PPARGC1A: variants seen among roughly 807,000 people sequenced by gnomAD.
The protein encoded by PPARGC1A is PPARG coactivator 1 alpha.
A neutral mutation model predicts 88.7 loss-of-function variants in PPARGC1A; 25 were observed. That is an observed-to-expected ratio of 0.28 (90% CI 0.21 to 0.39). The LOEUF is 0.39. PPARGC1A is among the 10% of genes least tolerant of loss of function. PPARGC1A has a pLI of 1.00. For missense variants in PPARGC1A, 880 were observed against 968.7 expected, an observed-to-expected ratio of 0.91 and a Z score of 1.22; for synonymous variants, 363 against 355.6, an observed-to-expected ratio of 1.02 and a Z score of -0.24.
the PPARGC1A span, among the ~76,000 whole-genome samples, chr4:24,064,004 T>G: frequency 6.6e-6 from 1 of 151,978 alleles, no homozygotes; most frequent in Admixed American, 6.6e-5. Context: ...GACTCTGGAG[T>G]GGGCCAGCCT....
In PPARGC1A at chr4:23,851,228, C is replaced by T. The variant is rs75105302; in HGVS notation, c.235-19477G>A. Among the ~76,000 whole-genome samples the T allele has an allele frequency of 2.9e-3, 447 of 152,224 alleles. 3 individuals are homozygous for T. Among genetic ancestry groups the T allele is most frequent in the African/African-American group, 0.01 (426 of 41,524 alleles). The stretch of plus-strand genomic sequence containing the variant: ...GATTCGATTTAATCTAGGTAAACTG[C>T]AGATTGCTCCTGCACTTGACATGAT... On this transcript the variant is annotated intron_variant, in intron 2 of 12. Coordinates refer to ENST00000264867, the MANE Select transcript of PPARGC1A (RefSeq NM_013261.5).
At chr4:24,040,885 T>C in the PPARGC1A span, among the ~76,000 whole-genome samples, 1 of 152,186 alleles carries the variant, frequency 6.6e-6, no homozygotes, top group African/African-American at 2.4e-5. Flanking sequence ...AAGCTGCTGA[T>C]TCTCTCATGT....
At chr4:24,000,405 T>C in the PPARGC1A span, among the ~76,000 whole-genome samples, 1 of 152,190 alleles carries the variant, frequency 6.6e-6, no homozygotes, top group Non-Finnish European at 1.5e-5. Flanking sequence ...TAAGGAATTT[T>C]CAACTCAGAA....
chr4:23,812,732 C>A lies in PPARGC1A; in HGVS notation c.2019+15G>T, dbSNP rs1721153719. On this transcript the variant is annotated intron_variant, in intron 10 of 12. Coordinates refer to ENST00000264867, the MANE Select transcript of PPARGC1A (RefSeq NM_013261.5). ...AACCCTACTTTAAAATAAAAGTGAG[C>A]TCCAGGCCACTTACAATTGCCTTCT... The A allele has an allele frequency of 1.2e-6, 2 of 1,613,720 alleles. No individual in the cohort carries two copies. Among genetic ancestry groups the A allele is most frequent in the African/African-American group, 2.7e-5 (2 of 74,880 alleles).
chr4:23,988,930 A>G, the PPARGC1A span, among the ~76,000 whole-genome samples: 2 of 147,502 alleles, frequency 1.4e-5, no homozygotes, highest in Non-Finnish European at 3.0e-5. Context: ...TATATACTAT[A>G]TTATATATAA....
At chr4:24,322,965 T>C in the PPARGC1A span, among the ~76,000 whole-genome samples, 20 of 152,202 alleles carry the variant, frequency 1.3e-4, no homozygotes, top group South Asian at 4.1e-4. Context: ...TTCGGTATAA[T>C]AACGGAAAAG....
the PPARGC1A span, among the ~76,000 whole-genome samples, chr4:24,328,863 C>T: frequency 9.2e-5 from 14 of 152,216 alleles, no homozygotes; most frequent in Non-Finnish European, 2.1e-4. Context: ...CTGGTTAGTG[C>T]AGGTGGCTTT....
At chr4:24,363,278 CACTT>C in the PPARGC1A span, among the ~76,000 whole-genome samples, 25,095 of 152,124 alleles carry the variant, frequency 0.16, 2,158 homozygotes, top group Middle Eastern at 0.25. Context: ...AGATCAGGCT[CACTT>C]ATATGTCGAT....
the PPARGC1A span, among the ~76,000 whole-genome samples, chr4:24,020,073 C>A: frequency 1.3e-5 from 2 of 152,130 alleles, no homozygotes; most frequent in Non-Finnish European, 2.9e-5. Context: ...AAAATAAAAT[C>A]TCTGCAGGGG....
the PPARGC1A span, among the ~76,000 whole-genome samples, chr4:24,271,193 G>A: frequency 6.6e-6 from 1 of 152,036 alleles, no homozygotes; most frequent in Non-Finnish European, 1.5e-5. Flanking sequence ...AGCATGCAGG[G>A]GTCTACTGCT....
At chr4:23,820,289 AG>A (rs1722763215) in intron 7 of PPARGC1A, 1 of 152,300 alleles carries the variant, frequency 6.6e-6, no homozygotes, top group Non-Finnish European at 1.5e-5. Context: ...TACTTGTTTT[AG>A]GGTGATGACA....
the PPARGC1A span, among the ~76,000 whole-genome samples, chr4:24,339,594 G>A: frequency 3.9e-5 from 6 of 152,184 alleles, no homozygotes; most frequent in African/African-American, 1.4e-4. Context: ...TGCATACTAT[G>A]GAGCACCCTC....
chr4:24,043,746 G>T, the PPARGC1A span, among the ~76,000 whole-genome samples: 2 of 152,140 alleles, frequency 1.3e-5, no homozygotes, highest in African/African-American at 4.8e-5. Context: ...TAAGAGGATT[G>T]TATATACAAC....
chr4:24,067,077 G>A, the PPARGC1A span, among the ~76,000 whole-genome samples: 2 of 151,784 alleles, frequency 1.3e-5, no homozygotes, highest in South Asian at 4.2e-4. Flanking sequence ...ACGTTCATTA[G>A]GCAGAACAAT....
chr4:24,224,499 T>C, the PPARGC1A span, among the ~76,000 whole-genome samples: 1 of 152,194 alleles, frequency 6.6e-6, no homozygotes, highest in African/African-American at 2.4e-5. Flanking sequence ...GCTAACACAA[T>C]ACCTGGTCTG....
the PPARGC1A span, among the ~76,000 whole-genome samples, chr4:24,053,150 C>T: frequency 2.0e-5 from 3 of 151,712 alleles, no homozygotes; most frequent in South Asian, 2.1e-4. Flanking sequence ...GGATTACAGG[C>T]GTGAGCCACT....
the PPARGC1A span, among the ~76,000 whole-genome samples, chr4:24,234,202 G>A: frequency 2.0e-4 from 30 of 152,316 alleles, no homozygotes; most frequent in East Asian, 5.6e-3. Context: ...CACAGTAAGA[G>A]TTTTCCCTGA....
chr4:23,847,025 T>C (rs1041614510), intron 2 of PPARGC1A, among the ~76,000 whole-genome samples: 7 of 152,182 alleles, frequency 4.6e-5, no homozygotes, highest in African/African-American at 9.6e-5. Flanking sequence ...TAATCACATA[T>C]GCATTTAAAA....
At chr4:24,046,207 C>T in the PPARGC1A span, among the ~76,000 whole-genome samples, 1 of 152,192 alleles carries the variant, frequency 6.6e-6, no homozygotes, top group South Asian at 2.1e-4. Flanking sequence ...TAAAAGGAGT[C>T]AGGAAAACAA....
Sources: gnomAD v4.1 joint callset for allele counts (sites outside exome capture counted in the v4.1 genomes callset) on GRCh38, gnomAD v4.1.1 for gene constraint, MANE v1.5 for transcripts, NCBI Gene and HGNC (gene_info 2026-07-23, HGNC 2026-07-21) for gene names.